The following ZNF845 variants were observed in gnomAD, a reference collection of about 807,000 sequenced individuals.
ZNF845 encodes zinc finger protein 845.
ZNF845 carries 59 observed loss-of-function variants against 76.1 expected under a neutral mutation model. The observed-to-expected ratio is 0.78, with a 90% CI of 0.63 to 0.96. The LOEUF (loss-of-function observed/expected upper bound fraction) is 0.96, where lower values mean the gene tolerates loss of function less well. Ranked by LOEUF, ZNF845 falls within the 40% of genes least tolerant of loss-of-function variation. ZNF845 has a pLI of 0.00. For synonymous variants in ZNF845, 361 were observed against 386.9 expected, an observed-to-expected ratio of 0.93 and a Z score of 0.78; for missense variants, 1,045 against 1,172.8, an observed-to-expected ratio of 0.89 and a Z score of 1.59.
At position 53,351,786 on chromosome 19, in the gene ZNF845, G is replaced by T; in HGVS notation, c.1111G>T (p.Glu371Ter). The T allele has an allele frequency of 6.2e-7, 1 of 1,613,790 alleles. No homozygotes were observed. The highest frequency in any genetic ancestry group is 8.5e-7 in the Non-Finnish European group (1 of 1,179,928). The change falls in exon 4 of 4, where the codon GAA becomes TAA. Residue 371 changes from glutamate (E) to a stop codon, truncating the protein, a stop_gained. Transcript: ENST00000458035. LOFTEE classifies it high-confidence loss of function. ...AGCTTTCAGTTTCAAATCAAACCTT[G>T]AAAGACATAGGAAAATTCATACTGG... ...DKAFSFKSNLERHRKIHTGEK... is the reference protein window; with the variant it reads ...DKAFSFKSNL
rs551025549 is a variant in ZNF845, at chr19:53,346,378, C to T, written c.142+746C>T. 172 of 281,092 alleles carry T rather than the reference C, an allele frequency of 6.1e-4. No homozygotes were observed. In the African/African-American group the frequency reaches 0.011, roughly 18 times the overall value. The allele number at this position is 281,092 out of a possible 1,614,324, so 17.4% of individuals were successfully genotyped here. ...GATCTTGGCTCACCGCAGCCGGCTT[C>T]GCTCTCGTGCTCAAAAAATTCTCGT... On this transcript the variant is annotated intron_variant, in intron 3 of 3. Coordinates refer to ENST00000458035, the MANE Select transcript of ZNF845 (RefSeq NM_138374.3).
intron 3 of ZNF845, among the ~76,000 whole-genome samples, chr19:53,349,767 G>A (rs2085321059): frequency 6.6e-6 from 1 of 152,126 alleles, no homozygotes; most frequent in Admixed American, 6.5e-5. Flanking sequence ...CTGGCACTAT[G>A]GCTCACACTT....
chr19:53,351,509 G>A lies in ZNF845; in HGVS notation c.834G>A (p.Lys278=). The change falls in exon 4 of 4, where the codon AAG becomes AAA. Residue 278 remains lysine (K), a synonymous_variant. Transcript: ENST00000458035. ...KKPYKCNDCG[K]TFSQELTLTC... Reference sequence around the variant, plus strand: ...CTTACAAGTGTAATGATTGTGGCAAGACCTTCAGTCAGGAGTTAACCCTTA... The same window carrying A: ...CTTACAAGTGTAATGATTGTGGCAAAACCTTCAGTCAGGAGTTAACCCTTA... 6.2e-7 allele frequency: 1 copy of A among 1,614,210 alleles called. No homozygotes were observed. Among genetic ancestry groups the A allele is most frequent in the South Asian group, 1.1e-5 (1 of 91,084 alleles).
chr19:53,339,894 T>C (rs892913446), intron 1 of ZNF845, among the ~76,000 whole-genome samples: 6 of 152,222 alleles, frequency 3.9e-5, no homozygotes, highest in African/African-American at 1.4e-4. Flanking sequence ...TTCATTTTTA[T>C]TTATTTGAGG....
At position 53,353,654 on chromosome 19, in the gene ZNF845, C is replaced by G. The variant is rs1048576338; in HGVS notation, c.*66C>G. The G allele has an allele frequency of 6.6e-7, 1 of 1,521,796 alleles. No homozygotes were observed. Among genetic ancestry groups the G allele is most frequent in the Non-Finnish European group, 8.8e-7 (1 of 1,137,064 alleles). The allele number at this position is 1,521,796 out of a possible 1,614,324, so 94.3% of individuals were successfully genotyped here. Reference sequence around the variant, plus strand: ...GTCTTGAAAGACAGGAGAATTCATACTGGAGAGAAAGCTTACAAATGTAAG... The same window carrying G: ...GTCTTGAAAGACAGGAGAATTCATAGTGGAGAGAAAGCTTACAAATGTAAG... On this transcript the variant is annotated 3_prime_UTR_variant, in exon 4 of 4. Coordinates refer to ENST00000458035, the MANE Select transcript of ZNF845 (RefSeq NM_138374.3).
Position 53,351,711 on chromosome 19 carries a change from C to T in ZNF845, c.1036C>T (p.Arg346Cys), listed in dbSNP as rs569331218. 59 of 1,614,034 alleles carry T rather than the reference C, an allele frequency of 3.7e-5. No individual in the cohort carries two copies. In the Middle Eastern group the frequency reaches 9.9e-4, roughly 27 times the overall value. Residue 346 changes from arginine (R) to cysteine (C), a missense_variant, in exon 4 of 4, where the codon CGT becomes TGT. Physicochemically the swap from Arg to Cys is radical, Grantham distance 180. Transcript: ENST00000458035. The stretch of plus-strand genomic sequence containing the variant: ...TCAAACGTCATACCTTGTGTACCAT[C>T]GTAGACTTCATACTGGAGAGAAACC... Reference protein sequence around the residue: ...FSQTSYLVYHRRLHTGEKPYK... With the variant: ...FSQTSYLVYHCRLHTGEKPYK...
At chr19:53,345,691 C>CT (rs1193280361) in intron 3 of ZNF845, 59 bp downstream of exon 3, 23 of 1,601,860 alleles carry the variant, frequency 1.4e-5, no homozygotes, top group East Asian at 6.7e-5. Flanking sequence ...TGTATTTTCT[C>CT]TTTTTTTTAG....
At position 53,338,992 on chromosome 19, in the gene ZNF845, C is replaced by T. The variant is rs1255507703; in HGVS notation, c.-73-2243C>T. ...GTGCACATCTGTAATCCCAGCTACT[C>T]GGGAAACTGAAGCAGGAGAATGGCT... On this transcript the variant is annotated intron_variant, in intron 1 of 3. Coordinates refer to ENST00000458035, the MANE Select transcript of ZNF845 (RefSeq NM_138374.3). Among the ~76,000 whole-genome samples the T allele has an allele frequency of 2.6e-5, 4 of 151,678 alleles. No individual in the cohort carries two copies. The South Asian group carries it at 6.2e-4, about 24-fold the overall frequency.
At chr19:53,338,361 G>A (rs543460189) in intron 1 of ZNF845, among the ~76,000 whole-genome samples, 26 of 152,154 alleles carry the variant, frequency 1.7e-4, no homozygotes, top group African/African-American at 5.5e-4. Context: ...TCCAGCTCCC[G>A]GGTCTCCGTG....
Position 53,353,304 on chromosome 19 carries a change from C to T in ZNF845, c.2629C>T (p.His877Tyr). 6 of 1,613,670 alleles carry T rather than the reference C, an allele frequency of 3.7e-6. No individual in the cohort carries two copies. The highest frequency in any genetic ancestry group is 5.1e-6 in the Non-Finnish European group (6 of 1,179,802). The change falls in exon 4 of 4, where the codon CAT (histidine) becomes TAT (tyrosine). Residue 877 changes from histidine to tyrosine, a missense_variant. Physicochemically the swap from His to Tyr is moderately conservative, Grantham distance 83. Transcript: ENST00000458035. ...VFNRKANLSR[H>Y]HRLHTGEKPY... ...TAATAGAAAAGCAAACCTTTCACGT[C>T]ATCATAGACTTCATACTGGAGAGAA...
intron 3 of ZNF845, among the ~76,000 whole-genome samples, chr19:53,348,008 G>A (rs186647213): frequency 1.3e-4 from 20 of 152,290 alleles, no homozygotes; most frequent in East Asian, 5.8e-4. Flanking sequence ...TGGCCAACGC[G>A]GTGAAATCCC....
intron 2 of ZNF845, among the ~76,000 whole-genome samples, chr19:53,343,466 A>AT (rs1334816736): frequency 1.3e-5 from 2 of 152,106 alleles, no homozygotes; most frequent in Non-Finnish European, 2.9e-5. Context: ...AGGATGGGGC[A>AT]TTCCCTGTTT....
At chr19:53,336,638 T>TTC (rs2085216712) in intron 1 of ZNF845, among the ~76,000 whole-genome samples, 1 of 148,434 alleles carries the variant, frequency 6.7e-6, no homozygotes, top group Admixed American at 6.7e-5. Flanking sequence ...TCTTTCTTTT[T>TTC]TTTTTTTTTT....
chr19:53,345,546 A>C lies in ZNF845; in HGVS notation c.56A>C (p.Gln19Pro). Residue 19 changes from glutamine (Q) to proline (P), a missense_variant, in exon 3 of 4, where the codon CAG (glutamine) becomes CCG (proline). Physicochemically the swap from Gln to Pro is moderately conservative, Grantham distance 76. Transcript: ENST00000458035. Reference protein sequence around the residue: ...TFRDVAIEFSQEEWKCLDPAQ... With the variant: ...TFRDVAIEFSPEEWKCLDPAQ... ...AGGGATGTGGCCATAGAATTCTCTC[A>C]GGAAGAGTGGAAGTGCCTGGACCCT... 1 of 1,613,522 alleles carries C rather than the reference A, an allele frequency of 6.2e-7. No homozygotes were observed. Among genetic ancestry groups the C allele is most frequent in the Non-Finnish European group, 8.5e-7 (1 of 1,179,550 alleles).
At position 53,354,554 on chromosome 19, in the gene ZNF845, G is replaced by A. The variant is rs2085371143; in HGVS notation, c.*966G>A. The A allele has an allele frequency of 6.3e-6, 1 of 159,274 alleles. No homozygotes were observed. The highest frequency in any genetic ancestry group is 1.4e-5 in the Non-Finnish European group (1 of 72,740). 9.9% of individuals were successfully genotyped at this position (159,274 alleles called of 1,614,324 possible). ...TAAAAACTGTTACGGGTTTTTATGG[G>A]TATCTGTTGAATCTAAATCACATTT... On this transcript the variant is annotated 3_prime_UTR_variant, in exon 4 of 4. Coordinates refer to ENST00000458035, the MANE Select transcript of ZNF845 (RefSeq NM_138374.3).
rs1394268705 is a variant in ZNF845, at chr19:53,353,606, C to CA, written c.*21dup. Reference sequence around the variant, plus strand: ...AACATTAGAAATATGAAGAATGTGACAAAGTTTACAGTTGTAAATCAAGTC... The same window carrying CA: ...AACATTAGAAATATGAAGAATGTGACAAAAGTTTACAGTTGTAAATCAAGTC... On this transcript the variant is annotated 3_prime_UTR_variant, in exon 4 of 4. Coordinates refer to ENST00000458035, the MANE Select transcript of ZNF845 (RefSeq NM_138374.3). The CA allele has an allele frequency of 6.4e-7, 1 of 1,557,902 alleles. No individual in the cohort carries two copies. The highest frequency in any genetic ancestry group is 8.7e-7 in the Non-Finnish European group (1 of 1,151,322).
At position 53,354,610 on chromosome 19, in the gene ZNF845, TTCCAA is replaced by T. The variant is rs2085371543; in HGVS notation, c.*1027_*1031del. 1 of 154,322 alleles carries T rather than the reference TTCCAA, an allele frequency of 6.5e-6. No homozygotes were observed. The highest frequency in any genetic ancestry group is 2.4e-5 in the African/African-American group (1 of 41,462). The allele number at this position is 154,322 out of a possible 1,614,324, so 9.6% of individuals were successfully genotyped here. ...TATAATCATTCAACAATATTAAGAC[TTCCAA>T]TCCATCAATATGGGTTGTATGTCTA... On this transcript the variant is annotated 3_prime_UTR_variant, in exon 4 of 4. Transcript: ENST00000458035.
Position 53,350,846 on chromosome 19 carries a change from G to A in ZNF845, c.171G>A (p.Glu57=). 1 of 1,613,844 alleles carries A rather than the reference G, an allele frequency of 6.2e-7. No homozygotes were observed. Among genetic ancestry groups the A allele is most frequent in the Non-Finnish European group, 8.5e-7 (1 of 1,179,890 alleles). ...TCTCTTCCAAATGCATGATGAAGGA[G>A]TTCTCATCAACAGCACAAGGCAATA... is the stretch of plus-strand genomic sequence containing the variant. ...LDISSKCMMK[E]FSSTAQGNTE... is the part of the protein sequence containing the mutation. Residue 57 remains glutamate, a synonymous_variant, in exon 4 of 4, where the codon GAG becomes GAA. Coordinates refer to ENST00000458035, the MANE Select transcript of ZNF845 (RefSeq NM_138374.3).
Position 53,351,758 on chromosome 19 carries a change from C to G in ZNF845, c.1083C>G (p.Asp361Glu). 3 of 1,604,358 alleles carry G rather than the reference C, an allele frequency of 1.9e-6. No homozygotes were observed. The highest frequency in any genetic ancestry group is 2.5e-6 in the Non-Finnish European group (3 of 1,176,618). ...AACCTTACAAATGTGAAGAATGTGACAAAGCTTTCAGTTTCAAATCAAACC... is the reference window on the plus strand; with the variant it reads ...AACCTTACAAATGTGAAGAATGTGAGAAAGCTTTCAGTTTCAAATCAAACC... ...GEKPYKCEECDKAFSFKSNLE... is the reference protein window; with the variant it reads ...GEKPYKCEECEKAFSFKSNLE... Residue 361 changes from aspartate to glutamate, a missense_variant, in exon 4 of 4, where the codon GAC becomes GAG. Transcript: ENST00000458035.
Sources: gnomAD v4.1 joint callset for allele counts (sites outside exome capture counted in the v4.1 genomes callset) on GRCh38, gnomAD v4.1.1 for gene constraint, MANE v1.5 for transcripts, NCBI Gene and HGNC (gene_info 2026-07-23, HGNC 2026-07-21) for gene names.